ZNF653: variants seen among roughly 807,000 people sequenced by gnomAD.
The protein encoded by ZNF653 is 67 kDa zinc finger protein.
Under a neutral mutation model 59.9 loss-of-function variants are expected in ZNF653, and 37 were observed. That is an observed-to-expected ratio of 0.62 (90% CI 0.48 to 0.81). The LOEUF is 0.81. ZNF653 is among the 40% of genes least tolerant of loss of function. ZNF653 has a pLI of 0.00. For synonymous variants in ZNF653, 435 were observed against 371.8 expected, an observed-to-expected ratio of 1.17 and a Z score of -1.96; for missense variants, 808 against 881.1, an observed-to-expected ratio of 0.92 and a Z score of 1.05.
chr19:11,494,805 C>T lies in ZNF653; in HGVS notation c.559+1145G>A, dbSNP rs145826220. ...CCATCACCAAATGGGCCAGTCAGAT[C>T]ACTCCTGGGGCTTGGGATTCCTTGA... On this transcript the variant is annotated intron_variant, in intron 3 of 8. Coordinates refer to ENST00000293771, the MANE Select transcript of ZNF653 (RefSeq NM_138783.4). 2.3e-3 allele frequency among the ~76,000 whole-genome samples: 348 copies of T among 152,382 alleles called. 1 individual carries two copies. Among genetic ancestry groups the T allele is most frequent in the African/African-American group, 8.0e-3 (332 of 41,590 alleles).
chr19:11,505,189 G>A (rs1416048998), intron 1 of ZNF653: 1 of 355,330 alleles, frequency 2.8e-6, no homozygotes, highest in Non-Finnish European at 5.1e-6. Context: ...TACAAGGCCT[G>A]GAGGTGGGGC....
intron 1 of ZNF653, among the ~76,000 whole-genome samples, chr19:11,502,258 A>T (rs1478314448): frequency 6.6e-6 from 1 of 151,516 alleles, no homozygotes; most frequent in Non-Finnish European, 1.5e-5. Context: ...TGCCCGGCTA[A>T]TTTTTGCATT....
At chr19:11,500,197 G>C (rs919464090) in intron 1 of ZNF653, among the ~76,000 whole-genome samples, 1 of 152,102 alleles carries the variant, frequency 6.6e-6, no homozygotes, top group Non-Finnish European at 1.5e-5. Flanking sequence ...TCCCAGGACT[G>C]CACCTTGGGG....
In ZNF653 at chr19:11,495,162, C is replaced by T. The variant is rs1290842899; in HGVS notation, c.559+788G>A. On this transcript the variant is annotated intron_variant, in intron 3 of 8. Transcript: ENST00000293771. The surrounding 1 kb of genome is among the most constrained non-coding windows in gnomAD (Gnocchi z 4.9). ...CCTGACAGGACGCCTGGCAGTGTGCCCTACGCTCCTTCTCCAGCCATTGCC... is the reference window on the plus strand; with the variant it reads ...CCTGACAGGACGCCTGGCAGTGTGCTCTACGCTCCTTCTCCAGCCATTGCC... 6.6e-6 allele frequency among the ~76,000 whole-genome samples: 1 copy of T among 152,148 alleles called. No homozygotes were observed. The highest frequency in any genetic ancestry group is 2.4e-5 in the African/African-American group (1 of 41,438).
rs536662730 is a variant in ZNF653 at position 11,489,446 on chromosome 19, G to A, written c.560-1543C>T. The stretch of plus-strand genomic sequence containing the variant: ...ACTTCTGACCTCAGGTGATCTGCCC[G>A]CCCGGGCCTCCCAAAGTGCTGGAAT... On this transcript the variant is annotated intron_variant, in intron 3 of 8. Transcript: ENST00000293771. 5.3e-5 allele frequency among the ~76,000 whole-genome samples: 8 copies of A among 152,216 alleles called. 1 individual carries two copies. Among genetic ancestry groups the A allele is most frequent in the South Asian group, 4.1e-4 (2 of 4,826 alleles).
chr19:11,498,245 T>C, intron 2 of ZNF653, 51 bp downstream of exon 2: 3 of 1,612,756 alleles, frequency 1.9e-6, no homozygotes, highest in Non-Finnish European at 2.5e-6. Context: ...ATCTCCATAT[T>C]CCCACCGCTC....
rs1477762761 is a variant in ZNF653 at position 11,505,161 on chromosome 19, C to T, written c.299+327G>A. Reference sequence around the variant, plus strand: ...GACCGGTGAGGGGGCGGGGCTGCCCCCCCAGGGCCTGGTTAGTTACAAGGC... The same window carrying T: ...GACCGGTGAGGGGGCGGGGCTGCCCTCCCAGGGCCTGGTTAGTTACAAGGC... On this transcript the variant is annotated intron_variant, in intron 1 of 8. Coordinates refer to ENST00000293771, the MANE Select transcript of ZNF653 (RefSeq NM_138783.4). The T allele has an allele frequency of 2.4e-4, 67 of 281,772 alleles. No individual in the cohort carries two copies. The Admixed American group carries it at 3.6e-3, about 15-fold the overall frequency. The allele number at this position is 281,772 out of a possible 1,614,324, so 17.5% of individuals were successfully genotyped here. A position where few individuals can be genotyped will look rare whatever the true frequency, so the allele number is the denominator to read the frequency against.
At chr19:11,502,717 G>C (rs1003375479) in intron 1 of ZNF653, among the ~76,000 whole-genome samples, 1 of 152,122 alleles carries the variant, frequency 6.6e-6, no homozygotes, top group African/African-American at 2.4e-5. Context: ...CCAGGCCCGG[G>C]TATGGTTTCA....
intron 1 of ZNF653, among the ~76,000 whole-genome samples, chr19:11,503,947 A>G (rs912196588): frequency 6.6e-6 from 1 of 152,116 alleles, no homozygotes; most frequent in African/African-American, 2.4e-5. Flanking sequence ...TCTACAAAAA[A>G]TACAAAAATT....
rs772845140 is a variant in ZNF653 at position 11,483,787 on chromosome 19, C to T, written c.1743G>A (p.Glu581=). The change falls in exon 9 of 9, where the codon GAG becomes GAA. Residue 581 remains glutamate, a synonymous_variant. Transcript: ENST00000293771. ...LNWHMKKHTA[E]VQYNFTCDRC... is the part of the protein sequence containing the mutation. ...GATCGCACGTGAAGTTGTACTGCAC[C>T]TCCGCAGTGTGCTTCTTCATGTGCC... The T allele has an allele frequency of 1.9e-6, 3 of 1,612,968 alleles. No homozygotes were observed. The highest frequency in any genetic ancestry group is 3.3e-5 in the Admixed American group (2 of 59,894).
At chr19:11,498,871 A>C (rs750960786) in intron 1 of ZNF653, among the ~76,000 whole-genome samples, 10 of 150,192 alleles carry the variant, frequency 6.7e-5, no homozygotes, top group Non-Finnish European at 1.2e-4. Flanking sequence ...CAGACTCCTG[A>C]ATAGCTGGGA....
At position 11,486,979 on chromosome 19, in the gene ZNF653, G is replaced by C; in HGVS notation, c.1343+8C>G. On this transcript the variant is annotated splice_region_variant and intron_variant, in intron 5 of 8. Coordinates refer to ENST00000293771, the MANE Select transcript of ZNF653 (RefSeq NM_138783.4). Reference sequence around the variant, plus strand: ...CTCGCCCTCACCCTTGCCCGCCCCGGCACCCACTTCTCAGGCTCCTTGGGG... The same window carrying C: ...CTCGCCCTCACCCTTGCCCGCCCCGCCACCCACTTCTCAGGCTCCTTGGGG... The C allele has an allele frequency of 6.2e-7, 1 of 1,613,374 alleles. No homozygotes were observed. The highest frequency in any genetic ancestry group is 1.1e-5 in the South Asian group (1 of 90,974).
rs1971573515 is a variant in ZNF653, at chr19:11,495,213, C to T, written c.559+737G>A. On this transcript the variant is annotated intron_variant, in intron 3 of 8. Coordinates refer to ENST00000293771, the MANE Select transcript of ZNF653 (RefSeq NM_138783.4). This position sits in a 1 kb window ranked among gnomAD's most constrained non-coding sequence, Gnocchi z 4.9. ...GAACCCCTGAGGCTGCCGGCAGCCC[C>T]CTCACCACTCACCGGGGCCAACTGA... Among the ~76,000 whole-genome samples, 1 of 152,146 alleles carries T rather than the reference C, an allele frequency of 6.6e-6. No individual in the cohort carries two copies. The highest frequency in any genetic ancestry group is 2.1e-4 in the South Asian group (1 of 4,832).
intron 1 of ZNF653, 115 bp downstream of exon 1, chr19:11,505,373 T>C: frequency 8.7e-7 from 1 of 1,152,434 alleles, no homozygotes; most frequent in African/African-American, 1.7e-5. Context: ...GCCCGGCTCC[T>C]GGGCGGGGTC....
chr19:11,486,893 G>A lies in ZNF653; in HGVS notation c.1344-13C>T, dbSNP rs1568393214. On this transcript the variant is annotated splice_polypyrimidine_tract_variant and intron_variant, in intron 5 of 8. Transcript: ENST00000293771. ...GCTCCGCCGCCTCCTGGAGGGGAAGGGGCCATGACATCGGGGCTCCCGCAC... is the reference window on the plus strand; with the variant it reads ...GCTCCGCCGCCTCCTGGAGGGGAAGAGGCCATGACATCGGGGCTCCCGCAC... 1 of 1,611,042 alleles carries A rather than the reference G, an allele frequency of 6.2e-7. No individual in the cohort carries two copies. The highest frequency in any genetic ancestry group is 8.5e-7 in the Non-Finnish European group (1 of 1,178,660).
chr19:11,484,732 C>T (rs578050524), intron 7 of ZNF653, among the ~76,000 whole-genome samples: 27 of 151,832 alleles, frequency 1.8e-4, no homozygotes, highest in African/African-American at 9.7e-5. Flanking sequence ...TGGGTGATTT[C>T]GCAAAATGAA....
intron 3 of ZNF653, among the ~76,000 whole-genome samples, chr19:11,488,287 C>T (rs1421979762): frequency 6.6e-6 from 1 of 151,752 alleles, no homozygotes; most frequent in Non-Finnish European, 1.5e-5. Flanking sequence ...GTAGCTGGGA[C>T]TACAGGCATG....
intron 1 of ZNF653, among the ~76,000 whole-genome samples, chr19:11,499,531 G>A (rs1040862895): frequency 4.0e-5 from 6 of 151,604 alleles, no homozygotes; most frequent in Admixed American, 2.0e-4. Context: ...TTGGGAGGCT[G>A]AGGCAGGAGG....
chr19:11,505,253 A>G (rs183683406), intron 1 of ZNF653: 6 of 448,562 alleles, frequency 1.3e-5, no homozygotes, highest in African/African-American at 1.0e-4. Flanking sequence ...AGCGCTCAGA[A>G]GGCGGGTCGA....
Sources: allele counts gnomAD v4.1 joint callset (sites outside exome capture counted in the v4.1 genomes callset), GRCh38; gene constraint gnomAD v4.1.1; non-coding constraint Gnocchi (gnomAD v3.1); transcripts MANE v1.5; gene names NCBI Gene and HGNC (gene_info 2026-07-23, HGNC 2026-07-21).